Variants in NELFB observed in about 807,000 individuals in gnomAD.
NELFB encodes the protein negative elongation factor complex member B.
NELFB carries 34 observed loss-of-function variants against 60.2 expected under a neutral mutation model. The observed-to-expected ratio is 0.56, with a 90% CI of 0.43 to 0.75. The LOEUF is 0.75. Ranked by LOEUF, NELFB falls within the 30% of genes least tolerant of loss-of-function variation. The probability of loss-of-function intolerance (pLI) is 0.00; values close to 1 mark genes in which losing one functional copy is unlikely to be tolerated. For synonymous variants in NELFB, 459 were observed against 382.1 expected (o/e 1.20, Z -2.35); for missense variants, 770 against 831.6 (o/e 0.93, Z 0.91).
At chr9:137,261,779 A>G (rs1830449790) in intron 4 of NELFB, among the ~76,000 whole-genome samples, 1 of 152,114 alleles carries the variant, frequency 6.6e-6, no homozygotes, top group Non-Finnish European at 1.5e-5. Flanking sequence ...AAAGAAATGA[A>G]AAGACAGCTG....
chr9:137,268,382 G>A (rs1054849104), intron 10 of NELFB, among the ~76,000 whole-genome samples: 3 of 152,140 alleles, frequency 2.0e-5, no homozygotes, highest in Non-Finnish European at 4.4e-5. Context: ...TCAGGAGTTC[G>A]AGACCAGTCT....
At position 137,267,240 on chromosome 9, in the gene NELFB, G is replaced by T; in HGVS notation, c.1383G>T (p.Lys461Asn). The T allele has an allele frequency of 6.2e-7, 1 of 1,611,584 alleles. No individual in the cohort carries two copies. The highest frequency in any genetic ancestry group is 8.5e-7 in the Non-Finnish European group (1 of 1,178,450). The stretch of plus-strand genomic sequence containing the variant: ...GGGGCTGATGGCGCCCCGGGCGCAG[G>T]TTTCTGCAGGAGCAGCGCATGGCCT... The change falls in exon 10 of 13, where the codon AAG becomes AAT. Residue 461 changes from lysine to asparagine, a missense_variant and splice_region_variant. Physicochemically the swap from Lys to Asn is moderately conservative, Grantham distance 94. Coordinates refer to ENST00000343053, the MANE Select transcript of NELFB (RefSeq NM_015456.5).
At chr9:137,271,931 C>T in intron 10 of NELFB, 150 bp from the exon 11 acceptor site, 1 of 1,006,556 alleles carries the variant, frequency 9.9e-7, no homozygotes, top group Non-Finnish European at 1.4e-6. Flanking sequence ...CCCTCTTCAC[C>T]TGCTGAGACC....
At chr9:137,265,754 C>A (rs537212272) in intron 6 of NELFB, 123 bp from the exon 7 acceptor site, 1 of 675,848 alleles carries the variant, frequency 1.5e-6, no homozygotes, top group African/African-American at 1.8e-5. Context: ...TGTAAGAAAC[C>A]CAGCATGTGA....
chr9:137,266,920 G>GCTCATGGC (rs1830525197), intron 8 of NELFB, 24 bp from the exon 9 acceptor site: 1 of 1,611,234 alleles, frequency 6.2e-7, no homozygotes, highest in African/African-American at 1.3e-5. Context: ...GCCCGCGCCC[G>GCTCATGGC]CTCATGGCCT....
intron 4 of NELFB, among the ~76,000 whole-genome samples, chr9:137,260,150 C>T (rs1416274617): frequency 6.6e-6 from 1 of 150,376 alleles, no homozygotes; most frequent in Non-Finnish European, 1.5e-5. Context: ...CCCGGGTTCA[C>T]TCCGTTCTCC....
chr9:137,255,617 G>C lies in NELFB; in HGVS notation c.246+6G>C. 1 of 1,545,522 alleles carries C rather than the reference G, an allele frequency of 6.5e-7. No individual in the cohort carries two copies. Among genetic ancestry groups the C allele is most frequent in the South Asian group, 1.2e-5 (1 of 83,818 alleles). On this transcript the variant is annotated splice_donor_region_variant and intron_variant, in intron 1 of 12. Transcript: ENST00000343053. ...AGGCCATCGAGCAGTTCCAGGTGGG[G>C]CGGCCCCCGGGGCGGGGGGAGCCCA...
Position 137,265,965 on chromosome 9 carries a change from G to T in NELFB, c.1129G>T (p.Glu377Ter). 6.2e-7 allele frequency: 1 copy of T among 1,612,210 alleles called. No individual in the cohort carries two copies. The highest frequency in any genetic ancestry group is 1.1e-5 in the South Asian group (1 of 91,050). ...GCACCTGCAGGAGCTGGTCGGCCAGGAGACACTGCCCAGGGTGAGTGTGGG... is the reference window on the plus strand; with the variant it reads ...GCACCTGCAGGAGCTGGTCGGCCAGTAGACACTGCCCAGGGTGAGTGTGGG... Residue 377 changes from glutamate (E) to a stop codon, truncating the protein, a stop_gained, in exon 7 of 13, where the codon GAG becomes TAG. Coordinates refer to ENST00000343053, the MANE Select transcript of NELFB (RefSeq NM_015456.5). LOFTEE classifies it high-confidence loss of function.
intron 3 of NELFB, 59 bp from the exon 4 acceptor site, chr9:137,256,764 GT>G: frequency 6.5e-7 from 1 of 1,548,854 alleles, no homozygotes; most frequent in East Asian, 2.3e-5. Flanking sequence ...CTCTTGGCTT[GT>G]CTTGAAGGAG....
intron 10 of NELFB, among the ~76,000 whole-genome samples, chr9:137,270,803 C>A (rs948477206): frequency 7.2e-5 from 11 of 151,960 alleles, no homozygotes; most frequent in African/African-American, 2.7e-4. Context: ...CGCGTGTAAT[C>A]CCAGCTGAGG....
At chr9:137,266,142 G>A (rs1830515061) in intron 7 of NELFB, among the ~76,000 whole-genome samples, 163 bp downstream of exon 7, 1 of 152,284 alleles carries the variant, frequency 6.6e-6, no homozygotes, top group African/African-American at 2.4e-5. Flanking sequence ...GACTGCAGTG[G>A]CCCAGGTAGA....
At chr9:137,261,652 C>T (rs374517784) in intron 4 of NELFB, among the ~76,000 whole-genome samples, 995 of 67,554 alleles carry the variant, frequency 0.015, 15 homozygotes, top group East Asian at 0.053. Context: ...CGCAAGACTC[C>T]GTCTCAAAAA....
rs574866352 is a variant in NELFB at position 137,272,965 on chromosome 9, C to G, written c.*37C>G. ...ACCTGCTCGGGTGCTGGGGCCATGCCGAGTCGCGGCCCTGCTCAGCCGGAA... is the reference window on the plus strand; with the variant it reads ...ACCTGCTCGGGTGCTGGGGCCATGCGGAGTCGCGGCCCTGCTCAGCCGGAA... On this transcript the variant is annotated 3_prime_UTR_variant, in exon 13 of 13. Coordinates refer to ENST00000343053, the MANE Select transcript of NELFB (RefSeq NM_015456.5). 6.8e-7 allele frequency: 1 copy of G among 1,472,810 alleles called. No homozygotes were observed. Among genetic ancestry groups the G allele is most frequent in the Non-Finnish European group, 9.0e-7 (1 of 1,107,876 alleles). 91.2% of individuals were successfully genotyped at this position (1,472,810 alleles called of 1,614,324 possible).
At chr9:137,263,668 G>A (rs1285613527) in intron 5 of NELFB, among the ~76,000 whole-genome samples, 2 of 151,842 alleles carry the variant, frequency 1.3e-5, no homozygotes, top group African/African-American at 4.8e-5. Flanking sequence ...ATGGGGGAAG[G>A]AGGCTAGTCC....
Position 137,266,317 on chromosome 9 carries a change from C to A in NELFB, c.1144-14C>A. ...AGCTGCCTGGGAGAGGCGCTGAGCC[C>A]GTCCTCCCTACAGGACAGCCCCGAC... On this transcript the variant is annotated splice_polypyrimidine_tract_variant and intron_variant, in intron 7 of 12. Transcript: ENST00000343053. 4 of 1,607,844 alleles carry A rather than the reference C, an allele frequency of 2.5e-6. No individual in the cohort carries two copies. The highest frequency in any genetic ancestry group is 3.4e-6 in the Non-Finnish European group (4 of 1,176,592).
chr9:137,273,127 C>T lies in NELFB; in HGVS notation c.*199C>T. ...CTTGCCCACCATCCATGCAGTGGCT[C>T]CCAGGGCAGAGCCTCTCCTTGTACT... On this transcript the variant is annotated 3_prime_UTR_variant, in exon 13 of 13. Coordinates refer to ENST00000343053, the MANE Select transcript of NELFB (RefSeq NM_015456.5). 1 of 520,084 alleles carries T rather than the reference C, an allele frequency of 1.9e-6. No homozygotes were observed. The allele number at this position is 520,084 out of a possible 1,614,324, so 32.2% of individuals were successfully genotyped here.
intron 4 of NELFB, 80 bp downstream of exon 4, chr9:137,257,134 C>A: frequency 8.2e-7 from 1 of 1,225,912 alleles, no homozygotes; most frequent in Non-Finnish European, 1.2e-6. Context: ...TGGGGATCAG[C>A]ACTCTGCTGC....
intron 6 of NELFB, 88 bp downstream of exon 6, chr9:137,264,445 C>T (rs1231092192): frequency 9.9e-6 from 9 of 909,166 alleles, no homozygotes; most frequent in Non-Finnish European, 1.5e-5. Context: ...GGGTAGCAGG[C>T]GTTTATTCCC....
intron 4 of NELFB, among the ~76,000 whole-genome samples, chr9:137,260,419 A>T (rs1830422251): frequency 2.3e-5 from 3 of 128,212 alleles, no homozygotes; most frequent in Non-Finnish European, 3.4e-5. Context: ...ATTTTATTTT[A>T]ATTTTATATT....
Sources: allele counts gnomAD v4.1 joint callset (sites outside exome capture counted in the v4.1 genomes callset), GRCh38; gene constraint gnomAD v4.1.1; transcripts MANE v1.5; gene names NCBI Gene and HGNC (gene_info 2026-07-23, HGNC 2026-07-21).